EPHB1: variants seen among roughly 807,000 people sequenced by gnomAD.
EPHB1 encodes ephrin type-B receptor 1.
Under a neutral mutation model 94.4 loss-of-function variants are expected in EPHB1, and 30 were observed. The observed-to-expected ratio is 0.32, with a 90% confidence interval of 0.24 to 0.43. The LOEUF (loss-of-function observed/expected upper bound fraction) is 0.43, where lower values mean the gene tolerates loss of function less well. EPHB1 is among the 20% of genes least tolerant of loss of function. The pLI, the probability that EPHB1 is intolerant of heterozygous loss-of-function variation, is 1.00. For missense variants in EPHB1, 1,055 were observed against 1,308.3 expected, an observed-to-expected ratio of 0.81 and a Z score of 2.99; for synonymous variants, 522 against 489.1, an observed-to-expected ratio of 1.07 and a Z score of -0.89.
chr3:135,068,346 CT>C (rs1937611329), intron 3 of EPHB1, among the ~76,000 whole-genome samples: 1 of 152,108 alleles, frequency 6.6e-6, no homozygotes, highest in African/African-American at 2.4e-5. Flanking sequence ...TAATATCTGT[CT>C]TTTTTTATTA....
chr3:135,138,517 A>G (rs866753744), intron 5 of EPHB1, among the ~76,000 whole-genome samples: 2 of 152,354 alleles, frequency 1.3e-5, no homozygotes, highest in Non-Finnish European at 1.5e-5. Context: ...GTAAATCTCA[A>G]AATTAAATAT....
intron 2 of EPHB1, among the ~76,000 whole-genome samples, chr3:134,947,767 T>C (rs1039284408): frequency 3.3e-5 from 5 of 152,184 alleles, no homozygotes; most frequent in Non-Finnish European, 1.5e-5. Context: ...TCAGCTCCCA[T>C]AGGAGAGTAG....
intron 3 of EPHB1, among the ~76,000 whole-genome samples, chr3:134,961,614 G>T (rs953221737): frequency 6.6e-6 from 1 of 152,114 alleles, no homozygotes; most frequent in African/African-American, 2.4e-5. Context: ...CGATGGATTT[G>T]TACACTCTTC....
intron 1 of EPHB1, among the ~76,000 whole-genome samples, chr3:134,905,863 C>A (rs2038313417): frequency 6.6e-6 from 1 of 152,216 alleles, no homozygotes; most frequent in Non-Finnish European, 1.5e-5. Context: ...GAGCATCTTG[C>A]TGTTGGCTTC....
rs529594318 is a variant in EPHB1, at chr3:135,040,549, T to C, written c.806-65899T>C. Among the ~76,000 whole-genome samples, 3 of 152,280 alleles carry C rather than the reference T, an allele frequency of 2.0e-5. No homozygotes were observed. In the East Asian group the frequency reaches 5.8e-4, roughly 29 times the overall value. ...CAGGAGTGTGGGACTGACCCTGGAT[T>C]TGTAGATGAGACACACCTGTGTCCA... On this transcript the variant is annotated intron_variant, in intron 3 of 15. Coordinates refer to ENST00000398015, the MANE Select transcript of EPHB1 (RefSeq NM_004441.5).
At chr3:135,230,666 C>T (rs1943513240) in intron 12 of EPHB1, among the ~76,000 whole-genome samples, 1 of 152,078 alleles carries the variant, frequency 6.6e-6, no homozygotes, top group Non-Finnish European at 1.5e-5. Flanking sequence ...GTATTGGACC[C>T]AAGTAGTGAG....
chr3:135,183,193 T>TCCC (rs1362487982), intron 10 of EPHB1, among the ~76,000 whole-genome samples: 38 of 150,604 alleles, frequency 2.5e-4, no homozygotes, highest in African/African-American at 8.3e-4. Context: ...CCTTCCTCCC[T>TCCC]TCCTTCCTCC....
intron 1 of EPHB1, among the ~76,000 whole-genome samples, chr3:134,816,284 G>A (rs954095354): frequency 6.6e-6 from 1 of 151,902 alleles, no homozygotes. Context: ...AGTAGAGACG[G>A]GGTTTCACCA....
rs755863904 is a variant in EPHB1 at position 134,951,916 on chromosome 3, C to T, written c.669C>T (p.Gly223=). The change falls in exon 3 of 16, where the codon GGC becomes GGT. Residue 223 remains glycine (G), a synonymous_variant. Transcript: ENST00000398015. The surrounding 1 kb of genome is among the most constrained non-coding windows in gnomAD (Gnocchi z 4.5). ...GCACATCTCTGGTGATTGCTCGGGGCACATGCATCCCCAACGCAGAGGAAG... is the reference window on the plus strand; with the variant it reads ...GCACATCTCTGGTGATTGCTCGGGGTACATGCATCCCCAACGCAGAGGAAG... The part of the protein sequence containing the change: ...AESTSLVIAR[G]TCIPNAEEVD... 1 of 1,614,028 alleles carries T rather than the reference C, an allele frequency of 6.2e-7. No individual in the cohort carries two copies.
At chr3:135,214,841 G>T (rs1943110919) in intron 12 of EPHB1, among the ~76,000 whole-genome samples, 1 of 152,088 alleles carries the variant, frequency 6.6e-6, no homozygotes, top group Non-Finnish European at 1.5e-5. Flanking sequence ...CTGAGAAAGG[G>T]GCAAAAAGAC....
At chr3:134,948,269 C>T (rs1330103770) in intron 2 of EPHB1, among the ~76,000 whole-genome samples, 1 of 150,398 alleles carries the variant, frequency 6.6e-6, no homozygotes, top group East Asian at 1.9e-4. Flanking sequence ...CATGTGTGTA[C>T]TGAGACCCAA....
intron 3 of EPHB1, among the ~76,000 whole-genome samples, chr3:135,041,545 G>A (rs1936843820): frequency 6.6e-6 from 1 of 152,246 alleles, no homozygotes; most frequent in Non-Finnish European, 1.5e-5. Context: ...GGTCCAGACT[G>A]CTGAGTACTA....
At chr3:134,908,518 A>C (rs561909620) in intron 1 of EPHB1, among the ~76,000 whole-genome samples, 2 of 152,330 alleles carry the variant, frequency 1.3e-5, no homozygotes, top group South Asian at 2.1e-4. Context: ...TGAGTTCCCA[A>C]GTGAACCCAC....
At chr3:135,184,256 G>A (rs1018489699) in intron 10 of EPHB1, among the ~76,000 whole-genome samples, 7 of 152,156 alleles carry the variant, frequency 4.6e-5, no homozygotes, top group Non-Finnish European at 8.8e-5. Flanking sequence ...GTGGGGAGTG[G>A]CAGTTGTGCA....
intron 3 of EPHB1, among the ~76,000 whole-genome samples, chr3:135,002,735 T>G (rs1935229025): frequency 6.6e-6 from 1 of 152,204 alleles, no homozygotes; most frequent in African/African-American, 2.4e-5. Flanking sequence ...GATTTTCTAG[T>G]TTATTTGCGT....
intron 12 of EPHB1, among the ~76,000 whole-genome samples, chr3:135,217,424 CCACA>C (rs200312241): frequency 0.078 from 11,227 of 143,344 alleles, 456 homozygotes; most frequent in African/African-American, 0.1. Context: ...CCCATCAGTA[CCACA>C]CACACACACA....
intron 1 of EPHB1, among the ~76,000 whole-genome samples, chr3:134,883,035 G>C (rs770408653): frequency 1.3e-5 from 2 of 152,006 alleles, no homozygotes; most frequent in Non-Finnish European, 2.9e-5. Flanking sequence ...TGTTAGCCAG[G>C]ATGGTCTCGA....
Position 135,248,449 on chromosome 3 carries a change from C to T in EPHB1, c.2630C>T (p.Thr877Ile). ...CCCCGGTTTGCGGAGATTGTCAACACCCTAGATAAGATGATCCGGAACCCG... is the reference window on the plus strand; with the variant it reads ...CCCCGGTTTGCGGAGATTGTCAACATCCTAGATAAGATGATCCGGAACCCG... Reference protein sequence around the residue: ...SRPRFAEIVNTLDKMIRNPAS... With the variant: ...SRPRFAEIVNILDKMIRNPAS... The change falls in exon 14 of 16, where the codon ACC becomes ATC. Residue 877 changes from threonine (T) to isoleucine (I), a missense_variant. Coordinates refer to ENST00000398015, the MANE Select transcript of EPHB1 (RefSeq NM_004441.5). The T allele has an allele frequency of 1.2e-6, 2 of 1,613,658 alleles. No homozygotes were observed. The highest frequency in any genetic ancestry group is 8.5e-7 in the Non-Finnish European group (1 of 1,179,704).
chr3:135,252,971 G>A (rs1326299156), intron 15 of EPHB1, among the ~76,000 whole-genome samples: 1 of 150,566 alleles, frequency 6.6e-6, no homozygotes, highest in African/African-American at 2.4e-5. Context: ...GGCCAGTGAT[G>A]GTGAGCATTT....
Sources: allele counts gnomAD v4.1 joint callset (sites outside exome capture counted in the v4.1 genomes callset), GRCh38; gene constraint gnomAD v4.1.1; non-coding constraint Gnocchi (gnomAD v3.1); transcripts MANE v1.5; gene names NCBI Gene and HGNC (gene_info 2026-07-23, HGNC 2026-07-21).